Variants in CYFIP1 observed in about 807,000 individuals in gnomAD.
CYFIP1 encodes cytoplasmic FMR1 interacting protein 1.
Under a neutral mutation model 163.5 loss-of-function variants are expected in CYFIP1, and 58 were observed. That is an observed-to-expected ratio of 0.35 (90% CI 0.29 to 0.44). The LOEUF (loss-of-function observed/expected upper bound fraction) is 0.44, where lower values mean the gene tolerates loss of function less well. Ranked by LOEUF, CYFIP1 falls within the 20% of genes least tolerant of loss-of-function variation. The probability of loss-of-function intolerance (pLI) is 1.00; values close to 1 mark genes in which losing one functional copy is unlikely to be tolerated. For missense variants in CYFIP1, 1,338 were observed against 1,653.8 expected (o/e 0.81, Z 3.31); for synonymous variants, 663 against 660.7 (o/e 1.00, Z -0.05).
chr15:22,918,818 C>T lies in CYFIP1; in HGVS notation c.1400G>A (p.Arg467Lys), dbSNP rs1182947203. 6.2e-7 allele frequency: 1 copy of T among 1,612,780 alleles called. No homozygotes were observed. The highest frequency in any genetic ancestry group is 1.7e-5 in the Admixed American group (1 of 59,776). ...GGCGTGGTTGAACACGCTCTCCATC[C>T]TGCCCATCAGCACCTGCAGGCCTTT... ...MIKGLQVLMGRMESVFNHAIR... is the reference protein window; with the variant it reads ...MIKGLQVLMGKMESVFNHAIR... The change falls in exon 14 of 31, where the codon AGG becomes AAG. Residue 467 changes from arginine to lysine, a missense_variant. This residue lies in a region of CYFIP1 where 824 missense variants were observed against 995.7 expected (regional missense o/e 0.83). Transcript: ENST00000617928.
chr15:22,895,418 C>T (rs1352216837), intron 22 of CYFIP1, among the ~76,000 whole-genome samples: 4 of 152,086 alleles, frequency 2.6e-5, no homozygotes, highest in African/African-American at 4.8e-5. Flanking sequence ...CCCAAAGTGC[C>T]GGTATTACAG....
At chr15:22,957,495 G>T (rs978672517) in intron 1 of CYFIP1, among the ~76,000 whole-genome samples, 1 of 152,164 alleles carries the variant, frequency 6.6e-6, no homozygotes, top group Non-Finnish European at 1.5e-5. Context: ...AATTAGCCAG[G>T]CATGGTGGCG....
chr15:22,959,491 C>A (rs1240922021), intron 1 of CYFIP1, among the ~76,000 whole-genome samples: 1 of 152,232 alleles, frequency 6.6e-6, no homozygotes, highest in African/African-American at 2.4e-5. Context: ...CGTGGCTTGC[C>A]TCACGTGCCT....
chr15:22,917,999 C>T lies in CYFIP1; in HGVS notation c.1527-64G>A, dbSNP rs2061050337. On this transcript the variant is annotated intron_variant, in intron 14 of 30. Coordinates refer to ENST00000617928, the MANE Select transcript of CYFIP1 (RefSeq NM_014608.6). This position sits in a 1 kb window ranked among gnomAD's most constrained non-coding sequence, Gnocchi z 4.2. ...CGAGACCTCCAGCCTCACAATCACA[C>T]CATCTCCTCACCCAACTACAAGGCT... is the stretch of plus-strand genomic sequence containing the variant. The T allele has an allele frequency of 1.3e-6, 2 of 1,553,128 alleles. No individual in the cohort carries two copies. Among genetic ancestry groups the T allele is most frequent in the Non-Finnish European group, 1.7e-6 (2 of 1,143,634 alleles).
rs766177290 is a variant in CYFIP1, at chr15:22,931,686, GAAAAA to G, written c.1110+532_1110+536del. Among the ~76,000 whole-genome samples the G allele has an allele frequency of 8.2e-3, 325 of 39,706 alleles. 11 individuals carry two copies. Among genetic ancestry groups the G allele is most frequent in the African/African-American group, 0.011 (123 of 10,800 alleles). 26.0% of individuals were successfully genotyped at this position (39,706 alleles called of 152,430 possible). On this transcript the variant is annotated intron_variant, in intron 11 of 30. Coordinates refer to ENST00000617928, the MANE Select transcript of CYFIP1 (RefSeq NM_014608.6). ...CTTGGGATCCCTATAATGTTTTTCT[GAAAAA>G]AAAAAAAAAAAAAAAAAAAGCTTTT... is the stretch of plus-strand genomic sequence containing the variant.
At chr15:22,899,353 C>T (rs1166956745) in intron 22 of CYFIP1, among the ~76,000 whole-genome samples, 2 of 152,134 alleles carry the variant, frequency 1.3e-5, no homozygotes, top group South Asian at 2.1e-4. Flanking sequence ...TAGAAATAAA[C>T]ATGCACATTG....
At chr15:22,893,747 C>G (rs1036842095) in intron 22 of CYFIP1, among the ~76,000 whole-genome samples, 3 of 152,160 alleles carry the variant, frequency 2.0e-5, no homozygotes, top group African/African-American at 4.8e-5. Flanking sequence ...TCTGGGTATG[C>G]CTTTCCAAAC....
At chr15:22,950,113 A>G (rs1220859280) in intron 1 of CYFIP1, among the ~76,000 whole-genome samples, 1 of 152,228 alleles carries the variant, frequency 6.6e-6, no homozygotes, top group Non-Finnish European at 1.5e-5. Context: ...ATCTAACAGA[A>G]GTCAGATAAT....
At chr15:22,880,117 G>C in intron 25 of CYFIP1, 74 bp from the exon 26 acceptor site, 1 of 1,588,534 alleles carries the variant, frequency 6.3e-7, no homozygotes, top group South Asian at 1.1e-5. Context: ...TCCACAGCCA[G>C]GAGCACCTGC....
intron 23 of CYFIP1, among the ~76,000 whole-genome samples, chr15:22,890,780 C>T (rs1316986323): frequency 4.3e-4 from 50 of 115,396 alleles, no homozygotes; most frequent in African/African-American, 1.4e-3. Context: ...AGGGGCACAG[C>T]GGAGGCCGCA....
intron 1 of CYFIP1, chr15:22,951,367 T>A (rs1433920155): frequency 7.9e-7 from 1 of 1,260,264 alleles, no homozygotes; most frequent in Admixed American, 2.5e-5. Context: ...AAAGGAGCAG[T>A]GCAGGGCAGC....
At chr15:22,896,213 C>T (rs1230326397) in intron 22 of CYFIP1, among the ~76,000 whole-genome samples, 1 of 152,146 alleles carries the variant, frequency 6.6e-6, no homozygotes, top group East Asian at 1.9e-4. Context: ...AGTTTCAGCA[C>T]CAATATCCTA....
At chr15:22,972,449 A>C (rs2063134801) in intron 1 of CYFIP1, among the ~76,000 whole-genome samples, 1 of 152,124 alleles carries the variant, frequency 6.6e-6, no homozygotes, top group African/African-American at 2.4e-5. Context: ...AAACAAAACA[A>C]AACAAAAAAA....
At chr15:22,901,210 CA>C (rs564175833) in intron 22 of CYFIP1, among the ~76,000 whole-genome samples, 17 of 141,004 alleles carry the variant, frequency 1.2e-4, no homozygotes, top group African/African-American at 1.3e-4. Context: ...CACAAAAAAA[CA>C]AAAAAAAAAA....
chr15:22,967,761 C>A (rs973131312), intron 1 of CYFIP1, among the ~76,000 whole-genome samples: 1 of 152,060 alleles, frequency 6.6e-6, no homozygotes, highest in Non-Finnish European at 1.5e-5. Context: ...ACAAGAAGGC[C>A]GGGCATGGTG....
intron 22 of CYFIP1, among the ~76,000 whole-genome samples, chr15:22,893,539 A>C (rs796595140): frequency 3.3e-5 from 5 of 152,360 alleles, no homozygotes; most frequent in African/African-American, 1.2e-4. Context: ...AAACTTTTGC[A>C]AAGAAGTATA....
chr15:22,947,196 C>T lies in CYFIP1; in HGVS notation c.90G>A (p.Glu30=). ...GGTAGAGCAGCGAGGATGGCGGGGG[C>T]TCGATGCAGGGCTGCTGGTCGGGCA... ...LPLPDQQPCI[E]PPPSSLLYQP... is the part of the protein sequence containing the mutation. Residue 30 remains glutamate (E), a synonymous_variant, in exon 2 of 31, where the codon GAG becomes GAA. Transcript: ENST00000617928. 6.2e-7 allele frequency: 1 copy of T among 1,614,072 alleles called. No individual in the cohort carries two copies. The highest frequency in any genetic ancestry group is 1.3e-5 in the African/African-American group (1 of 75,050).
At chr15:22,909,878 G>C (rs1025958289) in intron 20 of CYFIP1, among the ~76,000 whole-genome samples, 2 of 152,122 alleles carry the variant, frequency 1.3e-5, no homozygotes, top group African/African-American at 4.8e-5. Flanking sequence ...CTGCTGGCCA[G>C]GAGAAAGTTT....
At chr15:22,933,319 CT>C (rs556709449) in intron 10 of CYFIP1, among the ~76,000 whole-genome samples, 268 of 144,650 alleles carry the variant, frequency 1.9e-3, no homozygotes, top group Admixed American at 2.2e-3. Flanking sequence ...ATTTTTCTTT[CT>C]TTTTTTTTTT....
Sources: allele counts gnomAD v4.1 joint callset (sites outside exome capture counted in the v4.1 genomes callset), GRCh38; gene constraint gnomAD v4.1.1; regional missense constraint gnomAD v4.1.1; non-coding constraint Gnocchi (gnomAD v3.1); transcripts MANE v1.5; gene names NCBI Gene and HGNC (gene_info 2026-07-23, HGNC 2026-07-21).